COL11A1: variants seen among roughly 807,000 people sequenced by gnomAD.
COL11A1 encodes the protein collagen alpha-1(XI) chain.
A neutral mutation model predicts 265.2 loss-of-function variants in COL11A1; 74 were observed. That is an observed-to-expected ratio of 0.28 (90% confidence interval 0.23 to 0.34). The LOEUF (loss-of-function observed/expected upper bound fraction) is 0.34, where lower values mean the gene tolerates loss of function less well. COL11A1 is among the 10% of genes least tolerant of loss of function. The pLI, the probability that COL11A1 is intolerant of heterozygous loss-of-function variation, is 1.00. For synonymous variants in COL11A1, 816 were observed against 727.6 expected, an observed-to-expected ratio of 1.12 and a Z score of -1.96; for missense variants, 2,165 against 2,263.6, an observed-to-expected ratio of 0.96 and a Z score of 0.88.
intron 46 of COL11A1, 26 bp downstream of exon 46, chr1:102,934,423 A>C (rs1283185060): frequency 1.4e-6 from 2 of 1,479,770 alleles, no homozygotes; most frequent in East Asian, 2.3e-5. Flanking sequence ...GAAATGATGG[A>C]GTAAACAATG....
chr1:103,093,857 G>A (rs1256822255), intron 1 of COL11A1, among the ~76,000 whole-genome samples: 1 of 152,110 alleles, frequency 6.6e-6, no homozygotes, highest in Non-Finnish European at 1.5e-5. Flanking sequence ...GTGTCATGGG[G>A]TCATAAGGAT....
intron 4 of COL11A1, among the ~76,000 whole-genome samples, chr1:103,040,856 G>T (rs894868702): frequency 1.3e-5 from 2 of 151,000 alleles, no homozygotes; most frequent in Non-Finnish European, 3.0e-5. Flanking sequence ...ATTTCAATTT[G>T]TATTTAACAT....
chr1:103,072,593 C>T (rs1362160717), intron 4 of COL11A1, among the ~76,000 whole-genome samples: 1 of 151,498 alleles, frequency 6.6e-6, no homozygotes, highest in East Asian at 1.9e-4. Flanking sequence ...AAAACATACT[C>T]GAATAAGTTT....
intron 46 of COL11A1, 138 bp from the exon 47 acceptor site, chr1:102,923,527 A>G (rs1488659342): frequency 1.5e-6 from 1 of 676,952 alleles, no homozygotes; most frequent in African/African-American, 1.8e-5. Flanking sequence ...ACATTTGTTA[A>G]AATACCTACT....
In COL11A1 at chr1:102,914,409, G is replaced by A; in HGVS notation, c.3925-4C>T. 1 of 1,603,404 alleles carries A rather than the reference G, an allele frequency of 6.2e-7. No individual in the cohort carries two copies. The highest frequency in any genetic ancestry group is 1.7e-5 in the Admixed American group (1 of 59,624). On this transcript the variant is annotated splice_polypyrimidine_tract_variant and splice_region_variant and intron_variant, in intron 51 of 66. Coordinates refer to ENST00000370096, the MANE Select transcript of COL11A1 (RefSeq NM_001854.4). ...CTCCAGGAAAACCAACAGGACCCTA[G>A]AATGACGTTTTGAAAGAAAAAGAAA...
At chr1:103,065,700 TG>T (rs1175007746) in intron 4 of COL11A1, among the ~76,000 whole-genome samples, 1 of 151,642 alleles carries the variant, frequency 6.6e-6, no homozygotes, top group Non-Finnish European at 1.5e-5. Context: ...GATACACTAT[TG>T]AAAAGAATGA....
At chr1:102,952,111 T>A (rs114806195) in intron 41 of COL11A1, among the ~76,000 whole-genome samples, 3,562 of 150,338 alleles carry the variant, frequency 0.024, 57 homozygotes, top group Middle Eastern at 0.083. Context: ...GTATACTATT[T>A]TTTTTTGAGA....
chr1:103,019,930 A>G (rs1032107041), intron 9 of COL11A1, among the ~76,000 whole-genome samples: 1 of 147,040 alleles, frequency 6.8e-6, no homozygotes, highest in African/African-American at 2.5e-5. Context: ...ATCATTTTTT[A>G]TGGCTGCATA....
At position 103,025,557 on chromosome 1, in the gene COL11A1, C is replaced by T. The variant is rs537219035; in HGVS notation, c.954G>A (p.Gln318=). 3.7e-6 allele frequency: 6 copies of T among 1,613,720 alleles called. No individual in the cohort carries two copies. The South Asian group carries it at 4.4e-5, about 12-fold the overall frequency. Residue 318 remains glutamine (Q), a synonymous_variant, in exon 7 of 67, where the codon CAG becomes CAA. Transcript: ENST00000370096. ...EYNYGTMESY[Q]TEAPRHVSGT... is the part of the protein sequence containing the mutation. ...CAGAAACATGCCTAGGAGCTTCTGT[C>T]TGGTAACTTTCCATTGTTCCATAGT...
chr1:102,916,436 T>C (rs906303415), intron 49 of COL11A1, among the ~76,000 whole-genome samples: 44 of 152,188 alleles, frequency 2.9e-4, no homozygotes, highest in African/African-American at 1.0e-3. Context: ...AACAATACAT[T>C]CATTTACCAT....
At position 102,981,396 on chromosome 1, in the gene COL11A1, AG is replaced by A. The variant is rs11375887; in HGVS notation, c.2557-1962del. On this transcript the variant is annotated intron_variant, in intron 31 of 66. Transcript: ENST00000370096. ...ATACAGTATGAAAATAAAAATTTTGAGGGGGGGGACAAATATTCAGTTCTGT... is the reference window on the plus strand; with the variant it reads ...ATACAGTATGAAAATAAAAATTTTGAGGGGGGGACAAATATTCAGTTCTGT... Among the ~76,000 whole-genome samples, 631 of 151,458 alleles carry A rather than the reference AG, an allele frequency of 4.2e-3. 5 individuals carry two copies. The highest frequency in any genetic ancestry group is 0.015 in the African/African-American group (599 of 41,298).
chr1:103,099,317 T>C (rs1016452535), intron 1 of COL11A1, among the ~76,000 whole-genome samples: 2 of 151,704 alleles, frequency 1.3e-5, no homozygotes, highest in African/African-American at 4.8e-5. Flanking sequence ...TGTTTGGAGA[T>C]GGTACTTCAT....
chr1:102,967,391 C>T (rs192986293), intron 37 of COL11A1, among the ~76,000 whole-genome samples: 218 of 151,748 alleles, frequency 1.4e-3, no homozygotes, highest in African/African-American at 4.5e-3. Context: ...CAGGCACCCG[C>T]CACCAAGCCC....
At chr1:102,988,109 T>A (rs1663759417) in intron 29 of COL11A1, among the ~76,000 whole-genome samples, 2 of 152,090 alleles carry the variant, frequency 1.3e-5, no homozygotes, top group African/African-American at 4.8e-5. Context: ...GTAAATAACA[T>A]CACTACGTAG....
chr1:102,890,547 A>G (rs1043458502), intron 57 of COL11A1, 43 bp from the exon 58 acceptor site: 3 of 1,537,498 alleles, frequency 2.0e-6, no homozygotes, highest in Admixed American at 3.9e-5. Context: ...AAAACAGAGT[A>G]GGTATGAATT....
chr1:103,017,724 G>A lies in COL11A1; in HGVS notation c.1413+96C>T, dbSNP rs527918732. The A allele has an allele frequency of 6.5e-5, 67 of 1,037,896 alleles. No individual in the cohort carries two copies. In the African/African-American group the frequency reaches 8.5e-4, roughly 13 times the overall value. The allele number at this position is 1,037,896 out of a possible 1,614,324, so 64.3% of individuals were successfully genotyped here. The stretch of plus-strand genomic sequence containing the variant: ...CATGCTGCCTTTACCCCTCCCACAC[G>A]CAGTAAGATAACATGTTATACTTGT... On this transcript the variant is annotated intron_variant, in intron 11 of 66. Coordinates refer to ENST00000370096, the MANE Select transcript of COL11A1 (RefSeq NM_001854.4).
chr1:102,913,828 A>T lies in COL11A1; in HGVS notation c.3979-138T>A, dbSNP rs1489384609. The T allele has an allele frequency of 4.8e-6, 4 of 833,048 alleles. No individual in the cohort carries two copies. In the African/African-American group the frequency reaches 6.9e-5, roughly 14 times the overall value. 51.6% of individuals were successfully genotyped at this position (833,048 alleles called of 1,614,324 possible). A position where few individuals can be genotyped will look rare whatever the true frequency, so the allele number is the denominator to read the frequency against. On this transcript the variant is annotated intron_variant, in intron 52 of 66. Coordinates refer to ENST00000370096, the MANE Select transcript of COL11A1 (RefSeq NM_001854.4). ...CAAGTAAAATCATTATATTCTTTTA[A>T]CCTTTTTTAAAAAGATTGTGGTACC...
chr1:102,881,613 C>T, intron 65 of COL11A1, 84 bp downstream of exon 65: 1 of 1,105,396 alleles, frequency 9.0e-7, no homozygotes, highest in Admixed American at 1.8e-5. Flanking sequence ...TTTAGACTTT[C>T]ACTGTTAAAG....
chr1:103,087,743 T>C (rs1672991204), intron 1 of COL11A1, among the ~76,000 whole-genome samples: 1 of 152,232 alleles, frequency 6.6e-6, no homozygotes, highest in African/African-American at 2.4e-5. Context: ...AAACATTCTC[T>C]GTCTCCCTAA....
Sources: gnomAD v4.1 joint callset for allele counts (sites outside exome capture counted in the v4.1 genomes callset) on GRCh38, gnomAD v4.1.1 for gene constraint, MANE v1.5 for transcripts, NCBI Gene and HGNC (gene_info 2026-07-23, HGNC 2026-07-21) for gene names.